Variants in KLHL29 observed in about 807,000 individuals in gnomAD.
KLHL29 encodes kelch-like protein 29.
A neutral mutation model predicts 80.4 loss-of-function variants in KLHL29; 21 were observed. The ratio of observed to expected loss-of-function variants is 0.26; its 90% confidence interval spans 0.19 to 0.38. The LOEUF (loss-of-function observed/expected upper bound fraction) is 0.38. Ranked by LOEUF, KLHL29 falls within the 10% of genes least tolerant of loss-of-function variation. The pLI, the probability that KLHL29 is intolerant of heterozygous loss-of-function variation, is 1.00. For missense variants in KLHL29, 867 were observed against 1,223.9 expected, an observed-to-expected ratio of 0.71 and a Z score of 4.35; for synonymous variants, 511 against 526.8, an observed-to-expected ratio of 0.97 and a Z score of 0.41.
At chr2:23,608,582 TC>T (rs775358563) in intron 3 of KLHL29, among the ~76,000 whole-genome samples, 87 of 152,332 alleles carry the variant, frequency 5.7e-4, no homozygotes, top group Non-Finnish European at 9.7e-4. Flanking sequence ...GTTAAATTCT[TC>T]CTTTAATTGA....
intron 5 of KLHL29, among the ~76,000 whole-genome samples, chr2:23,666,372 C>T (rs1199305228): frequency 6.6e-6 from 1 of 152,198 alleles, no homozygotes; most frequent in Non-Finnish European, 1.5e-5. Context: ...AAGCTCCCTC[C>T]ACCCCAGGCA....
At chr2:23,398,020 T>C (rs1666494781) in intron 1 of KLHL29, among the ~76,000 whole-genome samples, 1 of 152,174 alleles carries the variant, frequency 6.6e-6, no homozygotes, top group Admixed American at 6.5e-5. Flanking sequence ...AAAATGCAAA[T>C]TGTGCAACCG....
At chr2:23,539,525 T>G (rs559045844) in intron 2 of KLHL29, among the ~76,000 whole-genome samples, 1 of 137,820 alleles carries the variant, frequency 7.3e-6, no homozygotes, top group African/African-American at 2.7e-5. Context: ...CACTGTAACC[T>G]CCGCCTCCCA....
At chr2:23,532,876 T>C (rs191268576) in intron 2 of KLHL29, among the ~76,000 whole-genome samples, 14 of 152,174 alleles carry the variant, frequency 9.2e-5, no homozygotes, top group Admixed American at 3.3e-4. Flanking sequence ...AGACGAACTT[T>C]TGTTGAGAAG....
intron 1 of KLHL29, among the ~76,000 whole-genome samples, chr2:23,454,425 A>G (rs1021401665): frequency 1.3e-5 from 2 of 152,166 alleles, no homozygotes; most frequent in African/African-American, 4.8e-5. Context: ...ATTGTTTTAA[A>G]ACGAATTTTA....
chr2:23,575,959 T>C (rs1667831854), intron 3 of KLHL29, among the ~76,000 whole-genome samples: 2 of 152,188 alleles, frequency 1.3e-5, no homozygotes, highest in African/African-American at 2.4e-5. Context: ...AGAGCTGGGC[T>C]GAAAGTGAGG....
chr2:23,669,742 C>T lies in KLHL29; in HGVS notation c.941-14657C>T, dbSNP rs1280454772. 6.6e-6 allele frequency among the ~76,000 whole-genome samples: 1 copy of T among 152,156 alleles called. No individual in the cohort carries two copies. The highest frequency in any genetic ancestry group is 6.5e-5 in the Admixed American group (1 of 15,282). The stretch of plus-strand genomic sequence containing the variant: ...TGAGCACAGTGGCCGGTGCCCAGCT[C>T]ATTTAGAGCTGAGGCCCCCAGAACC... On this transcript the variant is annotated intron_variant, in intron 5 of 13. Coordinates refer to ENST00000486442, the MANE Select transcript of KLHL29 (RefSeq NM_052920.2). This position sits in a 1 kb window ranked among gnomAD's most constrained non-coding sequence, Gnocchi z 4.3.
chr2:23,620,023 G>A (rs939621267), intron 3 of KLHL29, among the ~76,000 whole-genome samples: 1 of 152,200 alleles, frequency 6.6e-6, no homozygotes, highest in African/African-American at 2.4e-5. Flanking sequence ...ATGAAGGGAG[G>A]CCAGAGAAGG....
At chr2:23,422,235 TTGTG>T (rs976133345) in intron 1 of KLHL29, among the ~76,000 whole-genome samples, 12 of 151,210 alleles carry the variant, frequency 7.9e-5, no homozygotes, top group African/African-American at 2.7e-4. Context: ...TGTAGTGTGT[TTGTG>T]TGTGTGTTCA....
intron 4 of KLHL29, 77 bp downstream of exon 4, chr2:23,639,357 A>G (rs891494108): frequency 8.5e-6 from 12 of 1,417,790 alleles, no homozygotes; most frequent in South Asian, 1.3e-5. Context: ...GGGGACCCCA[A>G]CTCCTGCACA....
intron 2 of KLHL29, among the ~76,000 whole-genome samples, chr2:23,540,974 A>G (rs1558380200): frequency 1.3e-5 from 2 of 152,212 alleles, no homozygotes; most frequent in African/African-American, 4.8e-5. Flanking sequence ...CCAGGGGGAT[A>G]GAACACCCTG....
At position 23,682,133 on chromosome 2, in the gene KLHL29, G is replaced by T. The variant is rs1671102475; in HGVS notation, c.941-2266G>T. On this transcript the variant is annotated intron_variant, in intron 5 of 13. Transcript: ENST00000486442. The surrounding 1 kb of genome is among the most constrained non-coding windows in gnomAD (Gnocchi z 4.1). ...GCCTCCCCCTCCCCACTTCCTTCCT[G>T]CACTGAGCCCCACGGGGTCCACACG... is the stretch of plus-strand genomic sequence containing the variant. Among the ~76,000 whole-genome samples, 1 of 151,878 alleles carries T rather than the reference G, an allele frequency of 6.6e-6. No individual in the cohort carries two copies. Among genetic ancestry groups the T allele is most frequent in the African/African-American group, 2.4e-5 (1 of 41,306 alleles).
At chr2:23,389,257 G>A (rs1367038631) in intron 1 of KLHL29, among the ~76,000 whole-genome samples, 1 of 152,216 alleles carries the variant, frequency 6.6e-6, no homozygotes, top group East Asian at 1.9e-4. Context: ...TTAAATGCGA[G>A]TGATGATTTT....
chr2:23,601,556 G>C (rs1022921013), intron 3 of KLHL29, among the ~76,000 whole-genome samples: 2 of 152,200 alleles, frequency 1.3e-5, no homozygotes, highest in African/African-American at 4.8e-5. Context: ...AACGAGACCA[G>C]GCCAGGGTCT....
chr2:23,477,975 CT>C (rs1664683104), intron 2 of KLHL29, among the ~76,000 whole-genome samples: 1 of 152,138 alleles, frequency 6.6e-6, no homozygotes, highest in African/African-American at 2.4e-5. Flanking sequence ...CTTGTTCGTC[CT>C]GAGCTCTGGC....
intron 1 of KLHL29, among the ~76,000 whole-genome samples, chr2:23,416,445 A>G (rs190800987): frequency 4.4e-4 from 67 of 152,322 alleles, no homozygotes; most frequent in Admixed American, 6.5e-4. Context: ...TGATACACCA[A>G]GGTCACCAGG....
At chr2:23,397,480 T>G (rs1411047565) in intron 1 of KLHL29, among the ~76,000 whole-genome samples, 1 of 152,276 alleles carries the variant, frequency 6.6e-6, no homozygotes, top group Non-Finnish European at 1.5e-5. Flanking sequence ...TGTAACTGTC[T>G]GCTGTTTTTA....
intron 1 of KLHL29, among the ~76,000 whole-genome samples, chr2:23,405,934 C>T (rs1401522754): frequency 6.6e-6 from 1 of 152,178 alleles, no homozygotes; most frequent in African/African-American, 2.4e-5. Context: ...GGGTGATATA[C>T]ACATTTTTGA....
chr2:23,665,031 C>G (rs1360495141), intron 5 of KLHL29, among the ~76,000 whole-genome samples: 1 of 152,264 alleles, frequency 6.6e-6, no homozygotes, highest in Non-Finnish European at 1.5e-5. Context: ...GCCTGGGCCT[C>G]TCTCACGTGC....
Sources: allele counts gnomAD v4.1 joint callset (sites outside exome capture counted in the v4.1 genomes callset), GRCh38; gene constraint gnomAD v4.1.1; non-coding constraint Gnocchi (gnomAD v3.1); transcripts MANE v1.5; gene names NCBI Gene and HGNC (gene_info 2026-07-23, HGNC 2026-07-21).